DAB1: variants seen among roughly 807,000 people sequenced by gnomAD.
The protein encoded by DAB1 is DAB adaptor protein 1.
In DAB1, 15 loss-of-function variants were observed where a neutral mutation model predicts 64.6. That is an observed-to-expected ratio of 0.23 (90% CI 0.16 to 0.36). The LOEUF is 0.36. Ranked by LOEUF, DAB1 falls within the 10% of genes least tolerant of loss-of-function variation. The pLI is 1.00. For missense variants in DAB1, 596 were observed against 706.7 expected, an observed-to-expected ratio of 0.84 and a Z score of 1.78; for synonymous variants, 235 against 251.9, an observed-to-expected ratio of 0.93 and a Z score of 0.64.
intron 5 of DAB1, among the ~76,000 whole-genome samples, chr1:58,119,295 G>A (rs1035937112): frequency 4.0e-5 from 6 of 151,774 alleles, no homozygotes; most frequent in Admixed American, 3.3e-4. Flanking sequence ...AAGCTGGCCT[G>A]AACTAATTTG....
chr1:57,370,048 C>T (rs1680374305), intron 1 of DAB1, among the ~76,000 whole-genome samples: 1 of 152,148 alleles, frequency 6.6e-6, no homozygotes, highest in Non-Finnish European at 1.5e-5. Flanking sequence ...ATCACATTCC[C>T]CGGTATCACC....
chr1:57,781,387 C>T (rs752541451), intron 6 of DAB1, among the ~76,000 whole-genome samples: 5 of 151,672 alleles, frequency 3.3e-5, no homozygotes, highest in Non-Finnish European at 7.4e-5. Context: ...AGAACAACTT[C>T]CAGAAATCCT....
At chr1:57,733,355 A>G (rs537739867) in intron 6 of DAB1, among the ~76,000 whole-genome samples, 2 of 152,030 alleles carry the variant, frequency 1.3e-5, no homozygotes, top group African/African-American at 4.8e-5. Flanking sequence ...TGTAAGTTCC[A>G]TGAGGGCAGG....
intron 4 of DAB1, among the ~76,000 whole-genome samples, chr1:58,282,616 AG>A (rs1661588778): frequency 6.6e-6 from 1 of 150,712 alleles, no homozygotes; most frequent in African/African-American, 2.4e-5. Flanking sequence ...AAAAAAAAAA[AG>A]GAGTGTGGGG....
At chr1:57,686,197 C>T (rs542346475) in intron 6 of DAB1, among the ~76,000 whole-genome samples, 21 of 152,174 alleles carry the variant, frequency 1.4e-4, no homozygotes, top group African/African-American at 5.1e-4. Context: ...TAAGTATAAT[C>T]AGAAATGACA....
At chr1:57,678,775 T>TC (rs796076250) in intron 6 of DAB1, among the ~76,000 whole-genome samples, 9 of 150,712 alleles carry the variant, frequency 6.0e-5, no homozygotes, top group African/African-American at 2.0e-4. Flanking sequence ...TTTGTTTTTT[T>TC]TTTCTTTGTT....
intron 7 of DAB1, among the ~76,000 whole-genome samples, chr1:57,488,059 G>A (rs1442095828): frequency 6.6e-6 from 1 of 151,990 alleles, no homozygotes; most frequent in Non-Finnish European, 1.5e-5. Flanking sequence ...GTATAATTAG[G>A]CTGACTTAAA....
At chr1:57,961,921 G>A (rs1391045580) in intron 5 of DAB1, among the ~76,000 whole-genome samples, 1 of 151,446 alleles carries the variant, frequency 6.6e-6, no homozygotes, top group Non-Finnish European at 1.5e-5. Context: ...GCAGTGAGTT[G>A]AGATCACGCC....
Position 56,997,281 on chromosome 1 carries a change from A to C in DAB1, c.*863T>G, listed in dbSNP as rs181343186. 5 of 152,276 alleles carry C rather than the reference A, an allele frequency of 3.3e-5. No individual in the cohort carries two copies. Among genetic ancestry groups the C allele is most frequent in the African/African-American group, 1.2e-4 (5 of 41,564 alleles). The allele number at this position is 152,276 out of a possible 1,614,324, so 9.4% of individuals were successfully genotyped here. ...TAGAGCTTCTTAAGAAATCAGATGC[A>C]TTTTTCATCTTTCTCATCAATGGGA... is the stretch of plus-strand genomic sequence containing the variant. On this transcript the variant is annotated 3_prime_UTR_variant, in exon 15 of 15. Transcript: ENST00000371236.
upstream of DAB1, among the ~76,000 whole-genome samples, chr1:57,888,345 C>A (rs1434938271): frequency 4.6e-5 from 7 of 152,124 alleles, no homozygotes; most frequent in Non-Finnish European, 1.5e-5. Flanking sequence ...TACTTATACT[C>A]CCCATCAGAT....
intron 5 of DAB1, among the ~76,000 whole-genome samples, chr1:58,083,025 G>A (rs942577203): frequency 2.6e-5 from 4 of 152,106 alleles, no homozygotes; most frequent in African/African-American, 7.2e-5. Context: ...TTTGATAAGC[G>A]GTATTCTTGA....
chr1:57,999,634 C>T (rs536082493), intron 5 of DAB1, among the ~76,000 whole-genome samples: 10 of 152,274 alleles, frequency 6.6e-5, no homozygotes, highest in Admixed American at 6.5e-4. Context: ...AGAGTTGCTA[C>T]TGGCATCCAG....
intron 3 of DAB1, among the ~76,000 whole-genome samples, chr1:58,470,626 G>A (rs1285521538): frequency 1.3e-5 from 2 of 152,256 alleles, no homozygotes; most frequent in Admixed American, 6.5e-5. Context: ...CCTGGTTAGC[G>A]AAGACTGCAG....
chr1:58,103,228 C>G (rs929114491), intron 5 of DAB1, among the ~76,000 whole-genome samples: 1 of 152,148 alleles, frequency 6.6e-6, no homozygotes, highest in Non-Finnish European at 1.5e-5. Context: ...TACAGCCCAT[C>G]TTGCATCAAA....
At chr1:58,385,882 G>A (rs547106877) in intron 3 of DAB1, among the ~76,000 whole-genome samples, 95 of 152,304 alleles carry the variant, frequency 6.2e-4, no homozygotes, top group African/African-American at 2.1e-3. Context: ...ATGTCAGAGC[G>A]AGGATTCCTC....
At chr1:57,993,328 T>C (rs1557600693) in intron 5 of DAB1, among the ~76,000 whole-genome samples, 1 of 152,172 alleles carries the variant, frequency 6.6e-6, no homozygotes, top group African/African-American at 2.4e-5. Context: ...GGCCATGTCC[T>C]AGAGGGGAGG....
intron 6 of DAB1, among the ~76,000 whole-genome samples, chr1:57,668,631 A>G (rs1216295202): frequency 6.6e-6 from 1 of 152,134 alleles, no homozygotes; most frequent in Non-Finnish European, 1.5e-5. Context: ...AGTTGTACTG[A>G]CCCCAAAGCC....
At chr1:57,469,693 T>A (rs1687075122) in intron 7 of DAB1, among the ~76,000 whole-genome samples, 2 of 152,196 alleles carry the variant, frequency 1.3e-5, no homozygotes, top group South Asian at 4.1e-4. Flanking sequence ...CTAGATTGAA[T>A]TATAATTCCT....
intron 7 of DAB1, among the ~76,000 whole-genome samples, chr1:57,443,913 T>C (rs937384396): frequency 2.0e-5 from 3 of 152,216 alleles, no homozygotes; most frequent in African/African-American, 7.2e-5. Flanking sequence ...AGAAACGTAA[T>C]TTAGACCCTG....
Sources: allele counts gnomAD v4.1 joint callset (sites outside exome capture counted in the v4.1 genomes callset), GRCh38; gene constraint gnomAD v4.1.1; transcripts MANE v1.5; gene names NCBI Gene and HGNC (gene_info 2026-07-23, HGNC 2026-07-21).